Variants in DMD observed in about 807,000 individuals in gnomAD.
The protein encoded by DMD is dystrophin.
In DMD, 63 loss-of-function variants were observed where a neutral mutation model predicts 330.1. The ratio of observed to expected loss-of-function variants is 0.19; its 90% CI spans 0.16 to 0.24. The LOEUF (loss-of-function observed/expected upper bound fraction) is 0.24. DMD is among the 10% of genes least tolerant of loss of function. DMD has a pLI of 1.00. For missense variants in DMD, 3,344 were observed against 2,684.1 expected (o/e 1.25, Z -5.43); for synonymous variants, 1,223 against 959.8 (o/e 1.27, Z -5.07).
At chrX:32,095,792 G>T in intron 44 of DMD, among the ~76,000 whole-genome samples, 1 of 111,920 alleles carries the variant, frequency 8.9e-6, no homozygotes, top group Non-Finnish European at 1.9e-5. Context: ...GCAGTTGGAA[G>T]CTCATTATTA....
At chrX:32,987,981 ATG>A (rs908356226) in intron 2 of DMD, among the ~76,000 whole-genome samples, 1 of 108,978 alleles carries the variant, frequency 9.2e-6, no homozygotes, top group African/African-American at 3.4e-5. Context: ...ATACATATAT[ATG>A]TGTATATATA....
intron 9 of DMD, among the ~76,000 whole-genome samples, chrX:32,647,038 G>C (rs73209871): frequency 1.6e-4 from 18 of 111,111 alleles, no homozygotes; most frequent in Admixed American, 2.9e-4. Flanking sequence ...TCAGCATTAA[G>C]GGGGAAAATG....
chrX:33,328,679 C>A (rs188171719), intron 1 of DMD, among the ~76,000 whole-genome samples: 2 of 111,331 alleles, frequency 1.8e-5, no homozygotes, highest in East Asian at 5.7e-4. Flanking sequence ...TTAGACAAGA[C>A]TAAAGACCCT....
At chrX:32,687,241 T>C (rs1389821489) in intron 9 of DMD, among the ~76,000 whole-genome samples, 1 of 112,180 alleles carries the variant, frequency 8.9e-6, no homozygotes, top group East Asian at 2.8e-4. Context: ...GTGCACTTTA[T>C]TGAACACCTG....
intron 2 of DMD, among the ~76,000 whole-genome samples, chrX:32,963,212 G>A (rs1200988921): frequency 1.8e-5 from 2 of 111,748 alleles, no homozygotes; most frequent in East Asian, 2.8e-4. Context: ...ACATGCACAC[G>A]AATTATTAGA....
At chrX:32,402,622 A>G (rs909020504) in intron 30 of DMD, among the ~76,000 whole-genome samples, 3 of 111,738 alleles carry the variant, frequency 2.7e-5, no homozygotes, top group African/African-American at 9.7e-5. Context: ...AGATATTCAC[A>G]TGGTATAATC....
intron 13 of DMD, among the ~76,000 whole-genome samples, chrX:32,589,293 A>G (rs775352900): frequency 7.4e-4 from 83 of 111,596 alleles, no homozygotes; most frequent in African/African-American, 2.7e-3. Flanking sequence ...ATCAGCATAG[A>G]GTATAATTAT....
chrX:32,593,233 C>T (rs1317730111), intron 13 of DMD, among the ~76,000 whole-genome samples: 1 of 112,341 alleles, frequency 8.9e-6, no homozygotes, highest in East Asian at 2.8e-4. Context: ...CACACTTTAT[C>T]CATTTTCCTC....
chrX:31,619,219 T>C (rs2078387076), intron 55 of DMD, among the ~76,000 whole-genome samples: 1 of 111,405 alleles, frequency 9.0e-6, no homozygotes, highest in Non-Finnish European at 1.9e-5. Context: ...TAATAAAATT[T>C]AGTAGTTATT....
At chrX:32,265,116 T>A (rs2097338851) in intron 43 of DMD, among the ~76,000 whole-genome samples, 1 of 112,080 alleles carries the variant, frequency 8.9e-6, no homozygotes, top group African/African-American at 3.2e-5. Flanking sequence ...TGGCAGCCCC[T>A]CCCATCATAG....
intron 37 of DMD, among the ~76,000 whole-genome samples, chrX:32,357,660 TACAC>T (rs3044986): frequency 0.43 from 40,354 of 94,370 alleles, 7,757 homozygotes; most frequent in East Asian, 0.68. Flanking sequence ...CATACACAGA[TACAC>T]ACACACACAC....
intron 17 of DMD, among the ~76,000 whole-genome samples, chrX:32,533,688 G>A (rs1159086383): frequency 8.9e-6 from 1 of 112,136 alleles, no homozygotes; most frequent in Non-Finnish European, 1.9e-5. Flanking sequence ...TTAGTTGAGT[G>A]AATAGGAAAA....
intron 47 of DMD, among the ~76,000 whole-genome samples, chrX:31,922,812 C>T (rs946826283): frequency 3.6e-5 from 4 of 111,677 alleles, no homozygotes; most frequent in South Asian, 7.5e-4. Flanking sequence ...TTAAATGTCA[C>T]GTATTCTTAT....
In DMD at chrX:32,697,907, G is replaced by T. The variant is rs145064612; in HGVS notation, c.923C>A (p.Thr308Asn). Residue 308 changes from threonine to asparagine, a missense_variant, in exon 9 of 79, where the codon ACC (threonine) becomes AAC (asparagine). By Grantham distance (65) the Thr-to-Asn change is moderately conservative. Coordinates refer to ENST00000357033, the MANE Select transcript of DMD (RefSeq NM_004006.3). ...SYAYTQAAYV[T>N]TSDPTRSPFP... ...TGGGCTCCGTGTAGGGTCAGAGGTG[G>T]TGACATAAGCAGCCTGTGTGTAGGC... is the stretch of plus-strand genomic sequence containing the variant. The T allele has an allele frequency of 1.4e-5, 17 of 1,207,836 alleles. No homozygotes were observed. The African/African-American group carries it at 1.6e-4, about 11-fold the overall frequency.
At chrX:31,956,578 G>A (rs1276898885) in intron 45 of DMD, among the ~76,000 whole-genome samples, 1 of 111,790 alleles carries the variant, frequency 8.9e-6, no homozygotes, top group African/African-American at 3.3e-5. Context: ...GTGCTAATAC[G>A]GAAAGTGTTC....
intron 18 of DMD, among the ~76,000 whole-genome samples, chrX:32,506,098 T>G (rs746185514): frequency 8.9e-6 from 1 of 112,083 alleles, no homozygotes; most frequent in African/African-American, 3.2e-5. Flanking sequence ...TAAAGATAAA[T>G]ACATGTCATT....
At chrX:33,330,893 C>T (rs779097639) in intron 1 of DMD, among the ~76,000 whole-genome samples, 11 of 111,756 alleles carry the variant, frequency 9.8e-5, no homozygotes, top group African/African-American at 2.3e-4. Context: ...CTAGGAACTC[C>T]GGAAACCTCT....
chrX:31,345,682 C>T (rs2058043148), intron 61 of DMD, among the ~76,000 whole-genome samples: 1 of 111,028 alleles, frequency 9.0e-6, no homozygotes, highest in Non-Finnish European at 1.9e-5. Flanking sequence ...GTTAAGTAGA[C>T]CAGAGATTTG....
At chrX:32,414,138 G>T (rs936756349) in intron 29 of DMD, among the ~76,000 whole-genome samples, 14 of 111,276 alleles carry the variant, frequency 1.3e-4, no homozygotes, top group African/African-American at 4.6e-4. Context: ...AACCTACACT[G>T]TGGCCCTCTT....
Sources: gnomAD v4.1 joint callset for allele counts (sites outside exome capture counted in the v4.1 genomes callset) on GRCh38, gnomAD v4.1.1 for gene constraint, MANE v1.5 for transcripts, NCBI Gene and HGNC (gene_info 2026-07-23, HGNC 2026-07-21) for gene names.